Variants in NELL2 observed in about 807,000 individuals in gnomAD.
NELL2 encodes protein kinase C-binding protein NELL2.
NELL2 carries 41 observed loss-of-function variants against 109.6 expected under a neutral mutation model. The ratio of observed to expected loss-of-function variants is 0.37; its 90% confidence interval spans 0.29 to 0.49. The LOEUF is 0.49. Ranked by LOEUF, NELL2 falls within the 20% of genes least tolerant of loss-of-function variation. The pLI is 0.98. For missense variants in NELL2, 900 were observed against 1,008.3 expected (o/e 0.89, Z 1.45); for synonymous variants, 355 against 344.7 (o/e 1.03, Z -0.33).
chr12:44,859,315 GC>G (rs751378700), intron 2 of NELL2, among the ~76,000 whole-genome samples: 7 of 152,206 alleles, frequency 4.6e-5, no homozygotes, highest in Non-Finnish European at 1.0e-4. Context: ...GCCGAGGCAG[GC>G]GGATCACCTG....
chr12:44,545,068 A>C (rs960741908), intron 15 of NELL2, among the ~76,000 whole-genome samples: 1 of 152,090 alleles, frequency 6.6e-6, no homozygotes, highest in African/African-American at 2.4e-5. Flanking sequence ...GGTTGCCAAC[A>C]ATGGTAAGGA....
upstream of NELL2, among the ~76,000 whole-genome samples, chr12:44,918,515 GTA>G (rs141974336): frequency 0.015 from 1,877 of 124,906 alleles, 27 homozygotes; most frequent in East Asian, 0.047. Flanking sequence ...ATGCATGCAT[GTA>G]TGTGTGTGTG....
chr12:44,825,463 T>C (rs1943681806), intron 2 of NELL2, among the ~76,000 whole-genome samples: 1 of 137,422 alleles, frequency 7.3e-6, no homozygotes, highest in African/African-American at 2.7e-5. Context: ...TGGTGCAATC[T>C]CATCTCACTG....
intron 11 of NELL2, among the ~76,000 whole-genome samples, 174 bp from the exon 12 acceptor site, chr12:44,704,028 T>C (rs1937711563): frequency 1.3e-5 from 2 of 152,184 alleles, no homozygotes; most frequent in Non-Finnish European, 1.5e-5. Flanking sequence ...AAACTTCTTC[T>C]TTATGTTTAA....
intron 12 of NELL2, among the ~76,000 whole-genome samples, chr12:44,697,142 T>A (rs1467995736): frequency 1.3e-5 from 2 of 152,192 alleles, no homozygotes; most frequent in Non-Finnish European, 2.9e-5. Context: ...AACTTCTAAC[T>A]AAAGACCAAA....
chr12:44,914,778 G>T (rs1329257684), upstream of NELL2, among the ~76,000 whole-genome samples: 2 of 152,116 alleles, frequency 1.3e-5, no homozygotes, highest in Non-Finnish European at 2.9e-5. Flanking sequence ...AAAGGTCTCG[G>T]CTAGAGATAT....
intron 12 of NELL2, among the ~76,000 whole-genome samples, chr12:44,681,292 C>T (rs1000103092): frequency 1.3e-4 from 20 of 148,778 alleles, no homozygotes; most frequent in African/African-American, 3.2e-4. Context: ...TTTTTTTTAA[C>T]GTTGAAACAC....
intron 12 of NELL2, among the ~76,000 whole-genome samples, chr12:44,668,325 C>T (rs1948010002): frequency 6.6e-6 from 1 of 152,140 alleles, no homozygotes. Flanking sequence ...ACGATCCTGC[C>T]CTCTCCAGCA....
At chr12:44,729,865 C>T (rs1373881175) in intron 9 of NELL2, among the ~76,000 whole-genome samples, 1 of 152,072 alleles carries the variant, frequency 6.6e-6, no homozygotes, top group Non-Finnish European at 1.5e-5. Flanking sequence ...GTGATCTCGC[C>T]TCACTGCAAC....
intron 2 of NELL2, among the ~76,000 whole-genome samples, chr12:44,828,683 A>G (rs1943793670): frequency 6.6e-6 from 1 of 152,142 alleles, no homozygotes; most frequent in Admixed American, 6.6e-5. Context: ...TTTGAAGTGC[A>G]TGTTGGAATT....
intron 8 of NELL2, among the ~76,000 whole-genome samples, chr12:44,775,682 C>T (rs1941730799): frequency 1.3e-5 from 2 of 152,104 alleles, no homozygotes; most frequent in African/African-American, 2.4e-5. Flanking sequence ...CATGAAAATG[C>T]ATTCATGAAA....
intron 11 of NELL2, among the ~76,000 whole-genome samples, chr12:44,709,387 C>T (rs573111357): frequency 2.0e-5 from 3 of 152,262 alleles, no homozygotes; most frequent in African/African-American, 7.2e-5. Flanking sequence ...GGAGGGAGTG[C>T]CAGCTGGCTC....
At chr12:44,537,685 T>C (rs1216848310) in intron 15 of NELL2, among the ~76,000 whole-genome samples, 1 of 152,156 alleles carries the variant, frequency 6.6e-6, no homozygotes, top group East Asian at 1.9e-4. Flanking sequence ...GGTTATTTGC[T>C]TTCTAGATTA....
At chr12:44,806,245 G>T (rs993861231) in intron 3 of NELL2, among the ~76,000 whole-genome samples, 2 of 151,748 alleles carry the variant, frequency 1.3e-5, no homozygotes, top group East Asian at 1.9e-4. Flanking sequence ...ATTTATAAAA[G>T]AAGATATATG....
upstream of NELL2, among the ~76,000 whole-genome samples, chr12:44,916,290 A>C (rs746054304): frequency 1.3e-5 from 2 of 152,236 alleles, no homozygotes; most frequent in African/African-American, 4.8e-5. Context: ...AAATGAGGCA[A>C]AGAAAATAGT....
At chr12:44,516,126 A>C (rs934485950) in intron 19 of NELL2, among the ~76,000 whole-genome samples, 3 of 151,990 alleles carry the variant, frequency 2.0e-5, no homozygotes, top group South Asian at 2.1e-4. Context: ...TCAACAGCTG[A>C]ATAATAATAT....
At chr12:44,864,612 A>G (rs181497998) in intron 2 of NELL2, among the ~76,000 whole-genome samples, 14 of 152,358 alleles carry the variant, frequency 9.2e-5, no homozygotes, top group South Asian at 4.1e-4. Flanking sequence ...ATACAATACA[A>G]TAGCACTAGG....
rs551250533 is a variant in NELL2, at chr12:44,755,375, C to T, written c.994+19372G>A. Among the ~76,000 whole-genome samples, 8 of 152,276 alleles carry T rather than the reference C, an allele frequency of 5.3e-5. No individual in the cohort carries two copies. In the East Asian group the frequency reaches 1.5e-3, roughly 29 times the overall value. On this transcript the variant is annotated intron_variant, in intron 9 of 19. Coordinates refer to ENST00000429094, the MANE Select transcript of NELL2 (RefSeq NM_001145108.2). ...TTCCCTACCTACATACACACACGCA[C>T]ATGCACATACACACATTCATAGACA...
chr12:44,586,405 T>A (rs1157701482), intron 15 of NELL2, among the ~76,000 whole-genome samples: 1 of 151,484 alleles, frequency 6.6e-6, no homozygotes, highest in Non-Finnish European at 1.5e-5. Context: ...TCTTAAAATT[T>A]TCTTTAAAAT....
Sources: allele counts gnomAD v4.1 joint callset (sites outside exome capture counted in the v4.1 genomes callset), GRCh38; gene constraint gnomAD v4.1.1; transcripts MANE v1.5; gene names NCBI Gene and HGNC (gene_info 2026-07-23, HGNC 2026-07-21).